The following FAN1 variants were observed in gnomAD, a reference collection of about 807,000 sequenced individuals.
FAN1 encodes FANCD2 and FANCI associated nuclease 1, also known as fanconi-associated nuclease 1.
FAN1 carries 91 observed loss-of-function variants against 104.9 expected under a neutral mutation model. That is an observed-to-expected ratio of 0.87 (90% CI 0.73 to 1.03). FAN1 has a LOEUF of 1.03. FAN1 is among the 50% of genes least tolerant of loss of function. The probability of loss-of-function intolerance (pLI) is 0.00; values close to 1 mark genes in which losing one functional copy is unlikely to be tolerated. For missense variants in FAN1, 1,263 were observed against 1,239.9 expected (o/e 1.02, Z -0.28); for synonymous variants, 478 against 457.6 (o/e 1.04, Z -0.57).
intron 2 of FAN1, 142 bp from the exon 3 acceptor site, chr15:30,907,976 A>G: frequency 3.8e-6 from 2 of 533,318 alleles, no homozygotes; most frequent in Non-Finnish European, 6.0e-6. Context: ...TTTTAAATGT[A>G]CTTTCAAAAT....
intron 14 of FAN1, chr15:30,939,337 G>C (rs2062960283): frequency 2.0e-6 from 2 of 985,324 alleles, no homozygotes; most frequent in African/African-American, 3.5e-5. Context: ...GGCTCTGCTG[G>C]CGGGCAGCAG....
chr15:30,916,252 A>G (rs1479712210), intron 5 of FAN1, among the ~76,000 whole-genome samples: 2 of 152,160 alleles, frequency 1.3e-5, no homozygotes, highest in Non-Finnish European at 2.9e-5. Context: ...TCCAGTTTCT[A>G]TACCAATGAA....
Position 30,905,795 on chromosome 15 carries a change from A to T in FAN1, c.1132A>T (p.Ser378Cys), listed in dbSNP as rs762569750. The change falls in exon 2 of 15, where the codon AGT (serine) becomes TGT (cysteine). Residue 378 changes from serine (S) to cysteine (C), a missense_variant. Physicochemically the swap from Ser to Cys is moderately radical, Grantham distance 112. Coordinates refer to ENST00000362065, the MANE Select transcript of FAN1 (RefSeq NM_014967.5). ...AACCGGTCATCCTTACTACCTTCGG[A>T]GTTTCCTTGTGGTGCTGAAAACCGT... is the stretch of plus-strand genomic sequence containing the variant. ...QTTGHPYYLR[S>C]FLVVLKTVLE... 6.2e-7 allele frequency: 1 copy of T among 1,614,184 alleles called. No individual in the cohort carries two copies. The highest frequency in any genetic ancestry group is 8.5e-7 in the Non-Finnish European group (1 of 1,180,030).
At chr15:30,930,032 T>C (rs1388138844) in intron 12 of FAN1, among the ~76,000 whole-genome samples, 2 of 138,552 alleles carry the variant, frequency 1.4e-5, no homozygotes, top group Non-Finnish European at 3.0e-5. Flanking sequence ...ATAATATATA[T>C]ATTAATATTA....
intron 14 of FAN1, 25 bp from the exon 15 acceptor site, chr15:30,941,541 T>C: frequency 6.2e-7 from 1 of 1,608,518 alleles, no homozygotes; most frequent in Non-Finnish European, 8.5e-7. Context: ...CTTAATGGTG[T>C]TCCTAAAATG....
At chr15:30,906,754 T>A (rs189507410) in intron 2 of FAN1, among the ~76,000 whole-genome samples, 10 of 152,342 alleles carry the variant, frequency 6.6e-5, no homozygotes, top group African/African-American at 2.2e-4. Context: ...GGTTACTTTT[T>A]AACATGTGAG....
intron 8 of FAN1, among the ~76,000 whole-genome samples, chr15:30,923,340 A>T (rs1478124703): frequency 2.6e-5 from 4 of 152,166 alleles, no homozygotes; most frequent in Admixed American, 2.6e-4. Flanking sequence ...ATACAGAAGG[A>T]GAAAGCTTGT....
intron 11 of FAN1, 57 bp downstream of exon 11, chr15:30,928,713 G>A (rs1415988754): frequency 5.0e-6 from 8 of 1,608,798 alleles, no homozygotes; most frequent in Non-Finnish European, 6.8e-6. Context: ...CGTGGCTCAC[G>A]CCCACCTGGG....
chr15:30,941,211 G>C (rs918389897), intron 14 of FAN1: 6 of 1,379,850 alleles, frequency 4.3e-6, no homozygotes, highest in Non-Finnish European at 5.7e-6. Flanking sequence ...CAAAAATGTA[G>C]CAGACAACAT....
intron 8 of FAN1, among the ~76,000 whole-genome samples, chr15:30,923,987 C>T (rs557940943): frequency 3.7e-4 from 57 of 152,186 alleles, no homozygotes; most frequent in Non-Finnish European, 6.8e-4. Context: ...CATTAGGCAA[C>T]TACGCCCCGC....
chr15:30,904,714 A>T lies in FAN1; in HGVS notation c.51A>T (p.Leu17Phe), dbSNP rs759933516. The stretch of plus-strand genomic sequence containing the variant: ...ACAAAAAAAGGCCTCGTAGAAGCTT[A>T]TCAATCAGCAAGAATAAGAAAAAAG... ...PPDKKRPRRS[L>F]SISKNKKKAS... The change falls in exon 2 of 15, where the codon TTA (leucine) becomes TTT (phenylalanine). Residue 17 changes from leucine (L) to phenylalanine (F), a missense_variant. Coordinates refer to ENST00000362065, the MANE Select transcript of FAN1 (RefSeq NM_014967.5). 10 of 1,609,548 alleles carry T rather than the reference A, an allele frequency of 6.2e-6. No homozygotes were observed. The highest frequency in any genetic ancestry group is 8.5e-6 in the Non-Finnish European group (10 of 1,177,278).
At chr15:30,922,553 CT>C (rs753320452) in intron 8 of FAN1, among the ~76,000 whole-genome samples, 199 bp downstream of exon 8, 1 of 152,128 alleles carries the variant, frequency 6.6e-6, no homozygotes, top group South Asian at 2.1e-4. Flanking sequence ...AGACTGGAAG[CT>C]TTTGTCTTCT....
At position 30,943,025 on chromosome 15, in the gene FAN1, T is replaced by A; in HGVS notation, c.*1463T>A. ...ACCAGTCCCAAACAGAGGGGAATTT[T>A]AAGCCCTTCTCATCACCCAATTGGA... is the stretch of plus-strand genomic sequence containing the variant. On this transcript the variant is annotated 3_prime_UTR_variant, in exon 15 of 15. Coordinates refer to ENST00000362065, the MANE Select transcript of FAN1 (RefSeq NM_014967.5). 6.4e-7 allele frequency: 1 copy of A among 1,550,666 alleles called. No homozygotes were observed. Among genetic ancestry groups the A allele is most frequent in the Non-Finnish European group, 8.7e-7 (1 of 1,146,754 alleles).
intron 2 of FAN1, among the ~76,000 whole-genome samples, chr15:30,907,391 G>A (rs1408672166): frequency 4.6e-5 from 7 of 152,160 alleles, no homozygotes; most frequent in African/African-American, 1.4e-4. Context: ...GGTGGTGGGC[G>A]CCTGTAATCC....
chr15:30,916,479 A>G (rs953874797), intron 5 of FAN1, among the ~76,000 whole-genome samples: 2 of 152,224 alleles, frequency 1.3e-5, no homozygotes, highest in African/African-American at 4.8e-5. Flanking sequence ...GGCATCTCAT[A>G]TTCTTTCTAG....
intron 8 of FAN1, among the ~76,000 whole-genome samples, chr15:30,923,558 C>T (rs558864416): frequency 5.9e-5 from 9 of 152,308 alleles, no homozygotes; most frequent in African/African-American, 2.2e-4. Context: ...TTACCTCAGT[C>T]TCCAGGGAAG....
At position 30,941,877 on chromosome 15, in the gene FAN1, C is replaced by G. The variant is rs369814412; in HGVS notation, c.*315C>G. 6.2e-7 allele frequency: 1 copy of G among 1,614,018 alleles called. No homozygotes were observed. Among genetic ancestry groups the G allele is most frequent in the Non-Finnish European group, 8.5e-7 (1 of 1,179,896 alleles). ...CCAGAGACACGTGGCAGAATAACAC[C>G]GTGCAGGTTGGCGGGTTTGGAAAAC... On this transcript the variant is annotated 3_prime_UTR_variant, in exon 15 of 15. Transcript: ENST00000362065.
intron 3 of FAN1, 121 bp from the exon 4 acceptor site, chr15:30,910,492 AT>A (rs1458617807): frequency 1.7e-6 from 1 of 573,616 alleles, no homozygotes; most frequent in African/African-American, 1.9e-5. Context: ...ACATTTAATG[AT>A]TGGTTTGGCC....
chr15:30,908,313 T>G (rs967656496), intron 3 of FAN1, 55 bp downstream of exon 3: 2 of 1,464,308 alleles, frequency 1.4e-6, no homozygotes, highest in Non-Finnish European at 1.8e-6. Flanking sequence ...GAACTGAGCT[T>G]CTGCAGAATG....
Sources: allele counts gnomAD v4.1 joint callset (sites outside exome capture counted in the v4.1 genomes callset), GRCh38; gene constraint gnomAD v4.1.1; transcripts MANE v1.5; gene names NCBI Gene and HGNC (gene_info 2026-07-23, HGNC 2026-07-21).